ZNF254: variants seen among roughly 807,000 people sequenced by gnomAD.
The protein encoded by ZNF254 is zinc finger protein 254.
A neutral mutation model predicts 12.4 loss-of-function variants in ZNF254; 10 were observed. The observed-to-expected ratio is 0.80, with a 90% CI of 0.50 to 1.36. ZNF254 has a LOEUF of 1.36. Among genes scored for constraint, ZNF254 ranks in the 40% most tolerant of loss-of-function variants. The probability of loss-of-function intolerance (pLI) is 0.00; values close to 1 mark genes in which losing one functional copy is unlikely to be tolerated. For synonymous variants in ZNF254, 305 were observed against 253.4 expected, an observed-to-expected ratio of 1.20 and a Z score of -1.93; for missense variants, 996 against 763.9, an observed-to-expected ratio of 1.30 and a Z score of -3.58.
chr19:24,049,215 T>TATATATA (rs1491192531), intron 2 of ZNF254, among the ~76,000 whole-genome samples: 33 of 26,610 alleles, frequency 1.2e-3, no homozygotes, highest in African/African-American at 2.0e-3. Context: ...TATATATATA[T>TATATATA]TTTTTTTTTT....
intron 2 of ZNF254, among the ~76,000 whole-genome samples, chr19:24,058,441 G>A (rs1343034977): frequency 2.8e-5 from 4 of 143,608 alleles, no homozygotes; most frequent in South Asian, 2.2e-4. Context: ...ACAGAATTTC[G>A]CTCTTGTTAC....
chr19:24,049,212 ATAT>A (rs1316048183), intron 2 of ZNF254, among the ~76,000 whole-genome samples: 37 of 42,216 alleles, frequency 8.8e-4, no homozygotes, highest in Non-Finnish European at 1.5e-3. Context: ...ATATATATAT[ATAT>A]TTTTTTTTTT....
intron 2 of ZNF254, among the ~76,000 whole-genome samples, chr19:24,062,987 A>G (rs1971133374): frequency 6.6e-6 from 1 of 151,624 alleles, no homozygotes; most frequent in Admixed American, 6.6e-5. Context: ...TTTTAGTAGA[A>G]CTGGGGTTTC....
rs185837043 is a variant in ZNF254 at position 24,077,608 on chromosome 19, A to T, written c.-93-28332A>T. Among the ~76,000 whole-genome samples the T allele has an allele frequency of 5.3e-5, 8 of 152,320 alleles. No individual in the cohort carries two copies. The East Asian group carries it at 1.5e-3, about 29-fold the overall frequency. On this transcript the variant is annotated intron_variant, in intron 2 of 4. Coordinates refer to the ZNF254 transcript ENST00000613065. ...CAGCTTTCAGCCAGTCTATCTTATA[A>T]CTGTTGAAAGTTACTTAGTGTAGTG...
intron 3 of ZNF254, among the ~76,000 whole-genome samples, chr19:24,112,493 A>C (rs1453265157): frequency 2.7e-5 from 4 of 149,742 alleles, no homozygotes; most frequent in African/African-American, 9.9e-5. Context: ...GAAGAAAATC[A>C]TTGGTAGCTT....
chr19:24,126,145 A>G (rs1053698594), intron 3 of ZNF254, 109 bp from the exon 4 acceptor site: 19 of 708,954 alleles, frequency 2.7e-5, no homozygotes, highest in Middle Eastern at 4.0e-4. Flanking sequence ...GTATTTTGCA[A>G]TGCTATCTTG....
intron 2 of ZNF254, among the ~76,000 whole-genome samples, chr19:24,069,007 C>A (rs1013992504): frequency 1.3e-4 from 19 of 151,950 alleles, no homozygotes; most frequent in African/African-American, 4.3e-4. Flanking sequence ...TATTGCGTTT[C>A]TTTTCTTTTC....
At chr19:24,118,709 T>C (rs1974276615) in intron 3 of ZNF254, among the ~76,000 whole-genome samples, 1 of 152,054 alleles carries the variant, frequency 6.6e-6, no homozygotes, top group South Asian at 2.1e-4. Context: ...AAGTGTAGTA[T>C]AGTTAAATTT....
intron 1 of ZNF254, among the ~76,000 whole-genome samples, chr19:24,102,563 A>G (rs903536375): frequency 1.3e-5 from 2 of 152,164 alleles, no homozygotes; most frequent in African/African-American, 2.4e-5. Flanking sequence ...GTTTTGCCTC[A>G]CAGAACTAAC....
At chr19:24,109,539 T>C (rs983666913) in intron 3 of ZNF254, among the ~76,000 whole-genome samples, 4 of 152,182 alleles carry the variant, frequency 2.6e-5, no homozygotes, top group Admixed American at 2.6e-4. Flanking sequence ...ATTCTGTTTG[T>C]ATACTTTAAG....
At chr19:24,045,386 C>G (rs1253337360) in intron 1 of ZNF254, among the ~76,000 whole-genome samples, 1 of 152,038 alleles carries the variant, frequency 6.6e-6, no homozygotes, top group Non-Finnish European at 1.5e-5. Context: ...AAAAGGAAAT[C>G]TGGCCGGGCG....
intron 2 of ZNF254, chr19:24,046,373 T>TATATATGTATATATA (rs1555750839): frequency 1.0e-5 from 1 of 95,508 alleles, no homozygotes; most frequent in Non-Finnish European, 2.1e-5. Context: ...TTATTATTTT[T>TATATATGTATATATA]TATATATATA....
chr19:24,115,351 AATG>A (rs1973974552), intron 3 of ZNF254, among the ~76,000 whole-genome samples: 1 of 152,202 alleles, frequency 6.6e-6, no homozygotes, highest in Non-Finnish European at 1.5e-5. Flanking sequence ...AGCCATCAAT[AATG>A]ATGAGTTCAT....
At chr19:24,112,992 A>G (rs1281879231) in intron 3 of ZNF254, among the ~76,000 whole-genome samples, 1 of 152,222 alleles carries the variant, frequency 6.6e-6, no homozygotes, top group Non-Finnish European at 1.5e-5. Context: ...AAGAAGCTGA[A>G]TCTCTGAAGA....
chr19:24,125,128 G>T (rs532056838), intron 3 of ZNF254, among the ~76,000 whole-genome samples: 1 of 151,388 alleles, frequency 6.6e-6, no homozygotes, highest in African/African-American at 2.4e-5. Context: ...TAATCTTTTT[G>T]TCTGTGACTT....
rs190382235 is a variant in ZNF254, at chr19:24,108,505, T to C, written c.253+1862T>C. On this transcript the variant is annotated intron_variant, in intron 3 of 3. Transcript: ENST00000357002. ...ATCTCAGAGTTCTTTTAAAGGCATTTATTTTTGATCTGGGGTATTGTAACA... is the reference window on the plus strand; with the variant it reads ...ATCTCAGAGTTCTTTTAAAGGCATTCATTTTTGATCTGGGGTATTGTAACA... 1.4e-3 allele frequency among the ~76,000 whole-genome samples: 208 copies of C among 152,312 alleles called. 1 individual carries two copies. Among genetic ancestry groups the C allele is most frequent in the South Asian group, 4.4e-3 (21 of 4,826 alleles).
chr19:24,075,815 T>G (rs1406539525), intron 2 of ZNF254, among the ~76,000 whole-genome samples: 2 of 152,226 alleles, frequency 1.3e-5, no homozygotes, highest in Non-Finnish European at 2.9e-5. Flanking sequence ...ATCCCTTATC[T>G]TCAACTGCAT....
intron 2 of ZNF254, among the ~76,000 whole-genome samples, chr19:24,073,709 A>T (rs148923107): frequency 3.9e-5 from 6 of 152,336 alleles, no homozygotes; most frequent in South Asian, 2.1e-4. Flanking sequence ...CATACCGCTG[A>T]GGCTGTGACT....
intron 2 of ZNF254, among the ~76,000 whole-genome samples, chr19:24,072,953 GT>G (rs1195014456): frequency 6.6e-6 from 1 of 152,210 alleles, no homozygotes; most frequent in Non-Finnish European, 1.5e-5. Context: ...CAAGCTCACA[GT>G]TGTGGTGATG....
Sources: gnomAD v4.1 joint callset for allele counts (sites outside exome capture counted in the v4.1 genomes callset) on GRCh38, gnomAD v4.1.1 for gene constraint, MANE v1.5 for transcripts, NCBI Gene and HGNC (gene_info 2026-07-23, HGNC 2026-07-21) for gene names.